Variants in VWA8 observed in about 807,000 individuals in gnomAD.
VWA8 encodes von Willebrand factor A domain containing 8.
A neutral mutation model predicts 241.5 loss-of-function variants in VWA8; 221 were observed. The observed-to-expected ratio is 0.91, with a 90% CI of 0.82 to 1.02. The LOEUF is 1.02. Ranked by LOEUF, VWA8 falls within the 50% of genes least tolerant of loss-of-function variation. The pLI is 0.00. For missense variants in VWA8, 2,322 were observed against 2,328.7 expected (o/e 1.00, Z 0.06); for synonymous variants, 852 against 827.1 (o/e 1.03, Z -0.52).
intron 2 of VWA8, among the ~76,000 whole-genome samples, chr13:41,921,823 T>C (rs1357990528): frequency 6.6e-6 from 1 of 152,176 alleles, no homozygotes; most frequent in Non-Finnish European, 1.5e-5. Context: ...TGCTCATGGA[T>C]AGGAAGAATC....
chr13:41,850,814 C>T (rs956925437), intron 12 of VWA8, among the ~76,000 whole-genome samples: 4 of 152,146 alleles, frequency 2.6e-5, no homozygotes, highest in African/African-American at 9.7e-5. Context: ...GAACCAAAAC[C>T]ACCAGAAGAA....
At chr13:41,587,396 G>T in intron 42 of VWA8, 116 bp downstream of exon 42, 1 of 1,353,828 alleles carries the variant, frequency 7.4e-7, no homozygotes, top group Non-Finnish European at 1.0e-6. Flanking sequence ...TCTCTGCACT[G>T]ATGAATGAGC....
At chr13:41,904,909 G>C (rs1875636012) in intron 4 of VWA8, among the ~76,000 whole-genome samples, 1 of 152,044 alleles carries the variant, frequency 6.6e-6, no homozygotes, top group Non-Finnish European at 1.5e-5. Flanking sequence ...ACTGGAAAAA[G>C]AAATTAGGAC....
Position 41,846,528 on chromosome 13 carries a change from T to C in VWA8, c.1426-12997A>G, listed in dbSNP as rs917451392. On this transcript the variant is annotated intron_variant, in intron 12 of 44. Transcript: ENST00000379310. ...TTATTTAATAAATGACAGCTGAATC[T>C]GAATCAAGTGAAGAAACAAACTATA... 1.1e-4 allele frequency among the ~76,000 whole-genome samples: 16 copies of C among 152,334 alleles called. No homozygotes were observed. The South Asian group carries it at 3.3e-3, about 32-fold the overall frequency.
intron 2 of VWA8, among the ~76,000 whole-genome samples, chr13:41,949,519 A>G (rs954275942): frequency 5.9e-5 from 9 of 152,112 alleles, no homozygotes; most frequent in African/African-American, 2.2e-4. Flanking sequence ...AGAAGTATCT[A>G]ATGTAGATGA....
intron 22 of VWA8, among the ~76,000 whole-genome samples, chr13:41,731,471 T>C (rs901237732): frequency 8.5e-5 from 13 of 152,098 alleles, no homozygotes; most frequent in African/African-American, 1.9e-4. Context: ...GGAATAGAAA[T>C]CAATAGAGGA....
intron 37 of VWA8, among the ~76,000 whole-genome samples, chr13:41,631,901 C>G (rs1039727850): frequency 1.3e-5 from 2 of 152,148 alleles, no homozygotes; most frequent in African/African-American, 4.8e-5. Context: ...GACTCACACT[C>G]AGTATTAACA....
intron 1 of VWA8, among the ~76,000 whole-genome samples, chr13:41,954,729 G>A (rs1296891660): frequency 6.6e-6 from 1 of 152,142 alleles, no homozygotes; most frequent in African/African-American, 2.4e-5. Flanking sequence ...CTCAGAATTT[G>A]TACTAAATTA....
intron 13 of VWA8, among the ~76,000 whole-genome samples, chr13:41,832,230 G>A (rs142409670): frequency 5.6e-4 from 85 of 152,264 alleles, no homozygotes; most frequent in African/African-American, 2.0e-3. Context: ...CACCTGGCCG[G>A]CATCAGTATT....
intron 12 of VWA8, among the ~76,000 whole-genome samples, chr13:41,864,801 A>G (rs1873209606): frequency 6.6e-6 from 1 of 152,126 alleles, no homozygotes; most frequent in Admixed American, 6.6e-5. Flanking sequence ...AGTGAATTGT[A>G]CATGGCGAAA....
intron 37 of VWA8, among the ~76,000 whole-genome samples, chr13:41,630,053 AAAAT>A (rs1310132358): frequency 6.6e-6 from 1 of 152,226 alleles, no homozygotes; most frequent in African/African-American, 2.4e-5. Flanking sequence ...AAGTAACTGA[AAAAT>A]AAAGCCTTGT....
In VWA8 at chr13:41,690,194, C is replaced by A; in HGVS notation, c.3948G>T (p.Pro1316=). The part of the protein sequence containing the change: ...VCQLYVLKEE[P]PSTGFGVTQE... ...GTGTAACTCCAAACCCTGTGCTGGG[C>A]GGCTCCTCTTTCAGCACATACAACT... The change falls in exon 33 of 45, where the codon CCG becomes CCT. Residue 1316 remains proline, a synonymous_variant. Transcript: ENST00000379310. The A allele has an allele frequency of 6.2e-7, 1 of 1,612,488 alleles. No individual in the cohort carries two copies. The highest frequency in any genetic ancestry group is 8.5e-7 in the Non-Finnish European group (1 of 1,178,972).
intron 14 of VWA8, among the ~76,000 whole-genome samples, chr13:41,822,938 A>T: frequency 6.6e-6 from 1 of 152,120 alleles, no homozygotes; most frequent in Non-Finnish European, 1.5e-5. Flanking sequence ...AACCCTGGGG[A>T]TGAGAGAGGA....
chr13:41,644,105 T>C (rs891282683), intron 37 of VWA8, among the ~76,000 whole-genome samples: 1 of 152,178 alleles, frequency 6.6e-6, no homozygotes, highest in African/African-American at 2.4e-5. Flanking sequence ...TTTAGCATGG[T>C]AGCTGACTAC....
chr13:41,767,095 G>T (rs2045784164), intron 20 of VWA8, among the ~76,000 whole-genome samples: 1 of 152,058 alleles, frequency 6.6e-6, no homozygotes, highest in Non-Finnish European at 1.5e-5. Context: ...GCCTTTAGTT[G>T]CCTCCAATTC....
At chr13:41,693,628 A>G (rs2045194066) in intron 29 of VWA8, among the ~76,000 whole-genome samples, 1 of 152,102 alleles carries the variant, frequency 6.6e-6, no homozygotes, top group African/African-American at 2.4e-5. Flanking sequence ...CTGCAGCATT[A>G]TTAATCACAG....
chr13:41,927,328 A>G, intron 2 of VWA8: 5 of 530,068 alleles, frequency 9.4e-6, no homozygotes, highest in South Asian at 7.0e-5. Flanking sequence ...GCTGGAAAGC[A>G]CAACAGCTGG....
intron 12 of VWA8, among the ~76,000 whole-genome samples, chr13:41,851,495 G>A (rs951197427): frequency 7.2e-5 from 11 of 152,340 alleles, no homozygotes; most frequent in African/African-American, 2.6e-4. Context: ...GACCCAGGGG[G>A]AAGTAATTGA....
chr13:41,755,585 A>T (rs2045688876), intron 21 of VWA8, among the ~76,000 whole-genome samples: 1 of 151,984 alleles, frequency 6.6e-6, no homozygotes, highest in Admixed American at 6.6e-5. Flanking sequence ...ATAGAATATA[A>T]ATCAGCAGCA....
Sources: allele counts gnomAD v4.1 joint callset (sites outside exome capture counted in the v4.1 genomes callset), GRCh38; gene constraint gnomAD v4.1.1; transcripts MANE v1.5; gene names NCBI Gene and HGNC (gene_info 2026-07-23, HGNC 2026-07-21).